Variants in TRIP4 observed in about 807,000 individuals in gnomAD.
The protein encoded by TRIP4 is activating signal cointegrator 1.
In TRIP4, 54 loss-of-function variants were observed where a neutral mutation model predicts 81.8. That is an observed-to-expected ratio of 0.66 (90% confidence interval 0.53 to 0.83). The LOEUF is 0.83. Ranked by LOEUF, TRIP4 falls within the 40% of genes least tolerant of loss-of-function variation. The probability of loss-of-function intolerance (pLI) is 0.00; values close to 1 mark genes in which losing one functional copy is unlikely to be tolerated. For synonymous variants in TRIP4, 270 were observed against 242.8 expected (o/e 1.11, Z -1.04); for missense variants, 662 against 683.6 (o/e 0.97, Z 0.35).
intron 12 of TRIP4, among the ~76,000 whole-genome samples, chr15:64,445,667 CAAAAAAAAAA>C (rs34704960): frequency 3.2e-4 from 25 of 77,984 alleles, no homozygotes; most frequent in Admixed American, 3.2e-3. Context: ...CACTCAGTCT[CAAAAAAAAAA>C]AAAAAAAAAA....
intron 8 of TRIP4, among the ~76,000 whole-genome samples, chr15:64,415,103 A>G (rs1181921572): frequency 6.6e-6 from 1 of 152,090 alleles, no homozygotes; most frequent in Non-Finnish European, 1.5e-5. Flanking sequence ...TCAAAAAAAA[A>G]AAAGCAAATA....
intron 7 of TRIP4, among the ~76,000 whole-genome samples, chr15:64,412,315 T>C (rs1019568906): frequency 6.6e-6 from 1 of 152,188 alleles, no homozygotes; most frequent in Non-Finnish European, 1.5e-5. Context: ...CAAATTCTTA[T>C]ACTTTTTAAA....
At chr15:64,403,945 A>C (rs1019119674) in intron 5 of TRIP4, among the ~76,000 whole-genome samples, 2 of 151,924 alleles carry the variant, frequency 1.3e-5, no homozygotes, top group Non-Finnish European at 2.9e-5. Flanking sequence ...TAATCCTAGC[A>C]CTTTGAGAGG....
intron 3 of TRIP4, 92 bp from the exon 4 acceptor site, chr15:64,397,514 A>C (rs571689558): frequency 1.6e-6 from 2 of 1,238,320 alleles, no homozygotes; most frequent in African/African-American, 3.0e-5. Flanking sequence ...ATAGTATATA[A>C]GTTGTTACTG....
intron 10 of TRIP4, 40 bp from the exon 11 acceptor site, chr15:64,425,497 AAAG>A: frequency 6.5e-7 from 1 of 1,537,696 alleles, no homozygotes; most frequent in Non-Finnish European, 8.9e-7. Flanking sequence ...CCAAGATCAC[AAAG>A]AAGGAAATTT....
chr15:64,412,941 G>C (rs1218595349), intron 7 of TRIP4, among the ~76,000 whole-genome samples: 1 of 152,128 alleles, frequency 6.6e-6, no homozygotes, highest in Non-Finnish European at 1.5e-5. Flanking sequence ...ATAGGCATGG[G>C]ATAACAGGGG....
chr15:64,400,746 T>A lies in TRIP4; in HGVS notation c.622T>A (p.Cys208Ser). ...TCTTACTCTTACTATTTTACAGGTGTGTACTCATGAGGAACAAGATATTTT... is the reference window on the plus strand; with the variant it reads ...TCTTACTCTTACTATTTTACAGGTGAGTACTCATGAGGAACAAGATATTTT... ...GPCLFCGTLVCTHEEQDILQR... is the reference protein window; with the variant it reads ...GPCLFCGTLVSTHEEQDILQR... Residue 208 changes from cysteine to serine, a missense_variant, in exon 5 of 13, where the codon TGT (cysteine) becomes AGT (serine). Transcript: ENST00000261884. 6.2e-7 allele frequency: 1 copy of A among 1,613,500 alleles called. No individual in the cohort carries two copies.
intron 12 of TRIP4, among the ~76,000 whole-genome samples, chr15:64,451,978 T>A (rs945795284): frequency 6.8e-6 from 1 of 146,852 alleles, no homozygotes; most frequent in African/African-American, 2.5e-5. Context: ...ATTTTTTTTT[T>A]AGACAGGTCT....
chr15:64,421,797 A>G (rs1021539208), intron 9 of TRIP4, among the ~76,000 whole-genome samples: 1 of 152,160 alleles, frequency 6.6e-6, no homozygotes, highest in Non-Finnish European at 1.5e-5. Context: ...TAATCCCAGC[A>G]CTTTGGGAGG....
intron 11 of TRIP4, 118 bp downstream of exon 11, chr15:64,425,749 C>A: frequency 1.5e-6 from 1 of 679,256 alleles, no homozygotes; most frequent in Non-Finnish European, 2.4e-6. Flanking sequence ...TAGGCATGAG[C>A]CACCACACCC....
intron 12 of TRIP4, among the ~76,000 whole-genome samples, chr15:64,447,134 C>A (rs1892652580): frequency 2.0e-5 from 3 of 151,526 alleles, no homozygotes; most frequent in Admixed American, 6.6e-5. Context: ...CAAAAACAAA[C>A]AAAAAAAACA....
In TRIP4 at chr15:64,406,402, C is replaced by T. The variant is rs759932789; in HGVS notation, c.770C>T (p.Ser257Phe). 4 of 1,614,146 alleles carry T rather than the reference C, an allele frequency of 2.5e-6. No homozygotes were observed. Among genetic ancestry groups the T allele is most frequent in the Non-Finnish European group, 3.4e-6 (4 of 1,180,018 alleles). ...LLPHQELRIK[S>F]GLEKAIKHKD... ...CCTCATCAAGAATTGCGAATTAAGTCTGGTCTGGAGAAGGCTATCAAGCAT... is the reference window on the plus strand; with the variant it reads ...CCTCATCAAGAATTGCGAATTAAGTTTGGTCTGGAGAAGGCTATCAAGCAT... Residue 257 changes from serine to phenylalanine, a missense_variant, in exon 6 of 13, where the codon TCT becomes TTT. Ser to Phe is a radical substitution (Grantham distance 155, BLOSUM62 -2). Transcript: ENST00000261884.
chr15:64,451,956 A>G (rs1419054092), intron 12 of TRIP4, among the ~76,000 whole-genome samples: 2 of 146,492 alleles, frequency 1.4e-5, no homozygotes, highest in African/African-American at 2.5e-5. Context: ...CCCGGCCCAA[A>G]AAAAAAAAAA....
chr15:64,387,988 G>C, intron 1 of TRIP4, 24 bp downstream of exon 1: 1 of 1,540,918 alleles, frequency 6.5e-7, no homozygotes, highest in Non-Finnish European at 8.8e-7. Context: ...GGGTCCAAGC[G>C]GGGAAGGAGC....
chr15:64,418,021 CTTG>C (rs1364185667), intron 8 of TRIP4, among the ~76,000 whole-genome samples: 1 of 152,146 alleles, frequency 6.6e-6, no homozygotes, highest in African/African-American at 2.4e-5. Context: ...TAAGATGGGC[CTTG>C]TTATCATACC....
intron 11 of TRIP4, among the ~76,000 whole-genome samples, chr15:64,442,774 G>T (rs1046639963): frequency 6.6e-6 from 1 of 151,718 alleles, no homozygotes; most frequent in African/African-American, 2.4e-5. Context: ...GATTACCTGA[G>T]GTCAGGAGTT....
chr15:64,433,719 T>C (rs1018344298), intron 11 of TRIP4, among the ~76,000 whole-genome samples: 1 of 152,196 alleles, frequency 6.6e-6, no homozygotes, highest in Non-Finnish European at 1.5e-5. Context: ...TGAGGAGTAA[T>C]GGGAGCAAAG....
intron 11 of TRIP4, among the ~76,000 whole-genome samples, chr15:64,433,599 A>G (rs1596356602): frequency 6.6e-6 from 1 of 152,198 alleles, no homozygotes; most frequent in South Asian, 2.1e-4. Context: ...GCGAGACTCC[A>G]TCTCAAAAAA....
rs1414755276 is a variant in TRIP4 at position 64,414,161 on chromosome 15, G to A, written c.1120G>A (p.Glu374Lys). 2.5e-6 allele frequency: 4 copies of A among 1,613,994 alleles called. No homozygotes were observed. The highest frequency in any genetic ancestry group is 3.4e-6 in the Non-Finnish European group (4 of 1,180,024). ...PLTKLDRSSEEPLGVLVNPNM... is the reference protein window; with the variant it reads ...PLTKLDRSSEKPLGVLVNPNM... ...GACCAAATTGGATAGATCTTCTGAA[G>A]AGCCTTTGGGAGTTCTGGTAAATCC... Residue 374 changes from glutamate (E) to lysine (K), a missense_variant, in exon 8 of 13, where the codon GAG becomes AAG. By Grantham distance (56) the Glu-to-Lys change is moderately conservative (BLOSUM62 1). Coordinates refer to ENST00000261884, the MANE Select transcript of TRIP4 (RefSeq NM_016213.5).
Sources: gnomAD v4.1 joint callset for allele counts (sites outside exome capture counted in the v4.1 genomes callset) on GRCh38, gnomAD v4.1.1 for gene constraint, MANE v1.5 for transcripts, NCBI Gene and HGNC (gene_info 2026-07-23, HGNC 2026-07-21) for gene names.